RXRA: variants seen among roughly 807,000 people sequenced by gnomAD.
RXRA encodes retinoid X receptor alpha, also known as retinoic acid receptor RXR-alpha.
RXRA carries 5 observed loss-of-function variants against 44.5 expected under a neutral mutation model. The observed-to-expected ratio is 0.11, with a 90% CI of 0.06 to 0.24. The LOEUF (loss-of-function observed/expected upper bound fraction) is 0.24. Among genes scored for constraint, RXRA ranks in the 10% least tolerant of loss-of-function variants. RXRA has a pLI of 1.00. For missense variants in RXRA, 412 were observed against 646.5 expected, an observed-to-expected ratio of 0.64 and a Z score of 3.93; for synonymous variants, 291 against 271.4, an observed-to-expected ratio of 1.07 and a Z score of -0.71.
At chr9:134,360,699 A>G (rs1292928044) in intron 1 of RXRA, among the ~76,000 whole-genome samples, 1 of 152,104 alleles carries the variant, frequency 6.6e-6, no homozygotes, top group Non-Finnish European at 1.5e-5. Flanking sequence ...TTGGGGGTGA[A>G]TCCAGGACCT....
At chr9:134,397,333 CT>C (rs1260339413) in intron 1 of RXRA, among the ~76,000 whole-genome samples, 8 of 152,192 alleles carry the variant, frequency 5.3e-5, no homozygotes, top group African/African-American at 1.9e-4. Flanking sequence ...GTTACTAAAC[CT>C]GCCGCTTAGC....
At chr9:134,363,342 C>T (rs1037239236) in intron 1 of RXRA, among the ~76,000 whole-genome samples, 1 of 152,242 alleles carries the variant, frequency 6.6e-6, no homozygotes, top group Non-Finnish European at 1.5e-5. Flanking sequence ...TGGCGGTGGG[C>T]CCTGTCCACC....
intron 1 of RXRA, among the ~76,000 whole-genome samples, chr9:134,377,614 C>T (rs776788889): frequency 6.6e-5 from 10 of 152,326 alleles, no homozygotes; most frequent in East Asian, 1.9e-4. Context: ...CTTCCCTCTC[C>T]GGGACCACTT....
chr9:134,428,646 C>T lies in RXRA; in HGVS notation c.911-462C>T, dbSNP rs1210042735. Among the ~76,000 whole-genome samples the T allele has an allele frequency of 3.9e-5, 6 of 152,334 alleles. No individual in the cohort carries two copies. The East Asian group carries it at 7.7e-4, about 20-fold the overall frequency. On this transcript the variant is annotated intron_variant, in intron 6 of 9. Coordinates refer to ENST00000481739, the MANE Select transcript of RXRA (RefSeq NM_002957.6). ...CTGGGAATCCCCCCGAAAGAGGCTG[C>T]GGCTCTCACGCACCTGCCTTCAGTT...
At chr9:134,419,420 C>G (rs758664915) in intron 5 of RXRA, among the ~76,000 whole-genome samples, 1 of 152,164 alleles carries the variant, frequency 6.6e-6, no homozygotes, top group Non-Finnish European at 1.5e-5. Context: ...ACGTCTTCCA[C>G]GGGGAGGGGG....
chr9:134,356,758 G>A (rs1011133658), intron 1 of RXRA, among the ~76,000 whole-genome samples: 1 of 152,236 alleles, frequency 6.6e-6, no homozygotes, highest in African/African-American at 2.4e-5. Context: ...AAGGTGACAA[G>A]CTTCTCTGGT....
At chr9:134,385,907 C>T (rs1830713144) in intron 1 of RXRA, among the ~76,000 whole-genome samples, 1 of 152,268 alleles carries the variant, frequency 6.6e-6, no homozygotes, top group Non-Finnish European at 1.5e-5. Flanking sequence ...CCCTTGTCCT[C>T]TGCCCAGGCC....
At chr9:134,375,538 C>T (rs777456565) in intron 1 of RXRA, among the ~76,000 whole-genome samples, 3 of 152,158 alleles carry the variant, frequency 2.0e-5, no homozygotes, top group Non-Finnish European at 4.4e-5. Flanking sequence ...AGGGTCAGCC[C>T]GGAGACTGTG....
chr9:134,342,079 C>A lies in RXRA; in HGVS notation c.28+15420C>A, dbSNP rs192335551. ...TGTTGCTGGCTGGGGGACATGAAGA[C>A]CCCGAATGAGGAGGCGTCTCCCTGA... On this transcript the variant is annotated intron_variant, in intron 1 of 9. Transcript: ENST00000481739. The surrounding 1 kb of genome is among the most constrained non-coding windows in gnomAD (Gnocchi z 4.4). 3.8e-3 allele frequency among the ~76,000 whole-genome samples: 571 copies of A among 152,180 alleles called. 26 individuals carry two copies. Among genetic ancestry groups the A allele is most frequent in the Admixed American group, 0.034 (517 of 15,292 alleles).
intron 1 of RXRA, among the ~76,000 whole-genome samples, chr9:134,353,095 G>T (rs1025871897): frequency 1.3e-5 from 2 of 152,110 alleles, no homozygotes; most frequent in Admixed American, 6.5e-5. Flanking sequence ...CCCTTCTGGA[G>T]GGGGGAGGAG....
chr9:134,433,124 G>A lies in RXRA; in HGVS notation c.1136-978G>A, dbSNP rs1285034383. ...AGACCTGGCTCTGAGGGACCGGGCC[G>A]GGATGGAGATGGGCATCTTCTTGTG... On this transcript the variant is annotated intron_variant, in intron 8 of 9. Transcript: ENST00000481739. This position sits in a 1 kb window ranked among gnomAD's most constrained non-coding sequence, Gnocchi z 4.2. Among the ~76,000 whole-genome samples the A allele has an allele frequency of 1.3e-5, 2 of 152,114 alleles. No homozygotes were observed. The highest frequency in any genetic ancestry group is 4.8e-5 in the African/African-American group (2 of 41,412).
Position 134,409,085 on chromosome 9 carries a change from C to T in RXRA, c.576C>T (p.Tyr192=). The T allele has an allele frequency of 1.9e-6, 3 of 1,604,164 alleles. No individual in the cohort carries two copies. Among genetic ancestry groups the T allele is most frequent in the Non-Finnish European group, 8.5e-7 (1 of 1,175,446 alleles). ...GGAACCGGTGCCAGTACTGCCGCTA[C>T]CAGAAGTGCCTGGCCATGGGCATGA... ...RQRNRCQYCR[Y]QKCLAMGMKR... is the part of the protein sequence containing the mutation. The change falls in exon 4 of 10, where the codon TAC becomes TAT. Residue 192 remains tyrosine, a synonymous_variant. Coordinates refer to ENST00000481739, the MANE Select transcript of RXRA (RefSeq NM_002957.6).
At position 134,356,909 on chromosome 9, in the gene RXRA, G is replaced by T. The variant is rs545779799; in HGVS notation, c.28+30250G>T. 2.4e-4 allele frequency among the ~76,000 whole-genome samples: 36 copies of T among 152,296 alleles called. No homozygotes were observed. In the South Asian group the frequency reaches 5.6e-3, roughly 24 times the overall value. On this transcript the variant is annotated intron_variant, in intron 1 of 9. Coordinates refer to ENST00000481739, the MANE Select transcript of RXRA (RefSeq NM_002957.6). ...GTAGAAAGTGTCTCCCGACACCTCC[G>T]CACCCTGCCTGTCTCCCAGCCTCAG...
At chr9:134,345,005 G>A (rs191747706) in intron 1 of RXRA, among the ~76,000 whole-genome samples, 4 of 152,296 alleles carry the variant, frequency 2.6e-5, no homozygotes, top group African/African-American at 9.6e-5. Flanking sequence ...GCACCCCTGG[G>A]CCGTGTGCCT....
Position 134,433,774 on chromosome 9 carries a change from G to A in RXRA, c.1136-328G>A, listed in dbSNP as rs912535296. On this transcript the variant is annotated intron_variant, in intron 8 of 9. Transcript: ENST00000481739. The surrounding 1 kb of genome is among the most constrained non-coding windows in gnomAD (Gnocchi z 4.2). ...GTCTCTCCCAGTTCCCAAGGCGGCT[G>A]GAAGGAAGGCAGCAGATCCCTGACA... 2.0e-5 allele frequency among the ~76,000 whole-genome samples: 3 copies of A among 152,160 alleles called. No individual in the cohort carries two copies. The highest frequency in any genetic ancestry group is 2.9e-5 in the Non-Finnish European group (2 of 68,026).
chr9:134,429,971 C>T lies in RXRA; in HGVS notation c.1043+731C>T, dbSNP rs35853961. Among the ~76,000 whole-genome samples the T allele has an allele frequency of 6.0e-3, 910 of 152,246 alleles. 6 individuals carry two copies. Among genetic ancestry groups the T allele is most frequent in the African/African-American group, 0.021 (878 of 41,534 alleles). ...TGCAATCTTGGCTCACTGCAAGCTC[C>T]GCCTCCCGGGTTCACACCATTCTCC... On this transcript the variant is annotated intron_variant, in intron 7 of 9. Coordinates refer to ENST00000481739, the MANE Select transcript of RXRA (RefSeq NM_002957.6).
At chr9:134,421,842 T>C (rs1384100373) in intron 6 of RXRA, 37 bp downstream of exon 6, 5 of 1,609,500 alleles carry the variant, frequency 3.1e-6, no homozygotes, top group Middle Eastern at 1.6e-4. Flanking sequence ...GGGGATGCCA[T>C]GCAGATGGGA....
At chr9:134,430,536 G>C (rs571093035) in intron 7 of RXRA, among the ~76,000 whole-genome samples, 1 of 152,232 alleles carries the variant, frequency 6.6e-6, no homozygotes, top group African/African-American at 2.4e-5. Context: ...AGTGCAAAAG[G>C]GTTTGTGGCC....
chr9:134,399,828 C>G (rs924755575), intron 1 of RXRA, among the ~76,000 whole-genome samples: 5 of 152,224 alleles, frequency 3.3e-5, no homozygotes, highest in Non-Finnish European at 7.3e-5. Context: ...CCCTGCAGTG[C>G]TGGCTGAATC....
Sources: allele counts gnomAD v4.1 joint callset (sites outside exome capture counted in the v4.1 genomes callset), GRCh38; gene constraint gnomAD v4.1.1; non-coding constraint Gnocchi (gnomAD v3.1); transcripts MANE v1.5; gene names NCBI Gene and HGNC (gene_info 2026-07-23, HGNC 2026-07-21).